The following NXPE1 variants were observed in gnomAD, a reference collection of about 807,000 sequenced individuals.
The protein encoded by NXPE1 is neurexophilin and PC-esterase domain family member 1.
In NXPE1, 31 loss-of-function variants were observed where a neutral mutation model predicts 33.3. That is an observed-to-expected ratio of 0.93 (90% confidence interval 0.70 to 1.26). NXPE1 has a LOEUF of 1.26. Ranked by LOEUF, NXPE1 falls within the 50% of genes most tolerant of loss-of-function variation. NXPE1 has a pLI of 0.00. For missense variants in NXPE1, 661 were observed against 655.6 expected (o/e 1.01, Z -0.09); for synonymous variants, 229 against 231.4 (o/e 0.99, Z 0.09).
chr11:114,536,251 C>T (rs1947817545), intron 5 of NXPE1, among the ~76,000 whole-genome samples: 1 of 152,140 alleles, frequency 6.6e-6, no homozygotes, highest in Non-Finnish European at 1.5e-5. Context: ...AAAGACACAA[C>T]ATACCAGAAT....
chr11:114,548,897 AC>A (rs1366881574), intron 5 of NXPE1, among the ~76,000 whole-genome samples: 1 of 151,992 alleles, frequency 6.6e-6, no homozygotes, highest in African/African-American at 2.4e-5. Flanking sequence ...AAAAAAATAG[AC>A]AAGCCACTAG....
chr11:114,542,154 T>C (rs927011874), intron 5 of NXPE1, among the ~76,000 whole-genome samples: 3 of 152,248 alleles, frequency 2.0e-5, no homozygotes, highest in Non-Finnish European at 4.4e-5. Context: ...TCTCACTTTA[T>C]CCTTATTTAT....
chr11:114,526,988 CAT>C (rs1386426867), intron 7 of NXPE1: 1 of 152,224 alleles, frequency 6.6e-6, no homozygotes, highest in East Asian at 1.9e-4. Context: ...CCAACTTTAA[CAT>C]AAGCTCTTTT....
chr11:114,523,117 A>T (rs773302186), intron 7 of NXPE1, 26 bp from the exon 8 acceptor site: 1 of 1,550,612 alleles, frequency 6.4e-7, no homozygotes, highest in African/African-American at 1.4e-5. Context: ...CTCGTAAATG[A>T]TTTTATTGGC....
At chr11:114,521,204 G>T (rs1565292989), downstream of NXPE1, among the ~76,000 whole-genome samples, 5 of 152,038 alleles carry the variant, frequency 3.3e-5, no homozygotes, top group African/African-American at 1.2e-4. Flanking sequence ...TTTCCCTTTT[G>T]TTGCCAATTT....
At chr11:114,559,839 C>T in exon 1 of NXPE1, 1 of 152,428 alleles carries the variant, frequency 6.6e-6, no homozygotes, top group Non-Finnish European at 1.5e-5. Context: ...TGGAAAAGTA[C>T]CTGTGAGTTC....
intron 1 of NXPE1, among the ~76,000 whole-genome samples, chr11:114,555,700 C>T (rs1227191842): frequency 6.6e-6 from 1 of 152,124 alleles, no homozygotes; most frequent in Non-Finnish European, 1.5e-5. Context: ...GTTTCTGGCC[C>T]CGGATAATCA....
intron 7 of NXPE1, 71 bp downstream of exon 7, chr11:114,527,769 A>G: frequency 9.8e-7 from 1 of 1,016,648 alleles, no homozygotes; most frequent in Non-Finnish European, 1.4e-6. Flanking sequence ...CAGGAGAACT[A>G]CAATTATTTA....
chr11:114,545,669 T>C (rs1948252437), intron 5 of NXPE1, among the ~76,000 whole-genome samples: 1 of 151,918 alleles, frequency 6.6e-6, no homozygotes. Flanking sequence ...GCTCATTGAA[T>C]CTTATAACAC....
chr11:114,531,101 T>A (rs181556848), intron 5 of NXPE1, among the ~76,000 whole-genome samples, 193 bp from the exon 6 acceptor site: 1 of 151,748 alleles, frequency 6.6e-6, no homozygotes, highest in East Asian at 1.9e-4. Flanking sequence ...GATATTATGA[T>A]GATGATATAA....
At chr11:114,529,172 A>G (rs1418353498) in intron 6 of NXPE1, 1 of 201,068 alleles carries the variant, frequency 5.0e-6, no homozygotes, top group Non-Finnish European at 9.9e-6. Context: ...CTACTCTGTC[A>G]CCAAGCTGAG....
chr11:114,551,504 C>A, intron 3 of NXPE1, 63 bp from the exon 4 acceptor site: 1 of 724,914 alleles, frequency 1.4e-6, no homozygotes, highest in African/African-American at 1.9e-5. Context: ...TTCTTAGTTA[C>A]AAGACATAAC....
At position 114,555,688 on chromosome 11, in the gene NXPE1, G is replaced by A. The variant is rs145072504; in HGVS notation, c.-210-2808C>T. Among the ~76,000 whole-genome samples, 832 of 152,240 alleles carry A rather than the reference G, an allele frequency of 5.5e-3. 6 individuals carry two copies. Among genetic ancestry groups the A allele is most frequent in the African/African-American group, 0.019 (798 of 41,542 alleles). ...GCATGCCCCGCTGCCCATGCCTAAC[G>A]TGTTTCTGGCCCCGGATAATCACAG... is the stretch of plus-strand genomic sequence containing the variant. On this transcript the variant is annotated intron_variant, in intron 1 of 8. Coordinates refer to ENST00000534921, the Ensembl canonical transcript of NXPE1.
At chr11:114,551,422 T>C in exon 4 of NXPE1, 1 of 1,313,684 alleles carries the variant, frequency 7.6e-7, no homozygotes, top group South Asian at 2.2e-5. Context: ...TCAGGATTGT[T>C]GCTTCCTCCT....
intron 5 of NXPE1, among the ~76,000 whole-genome samples, chr11:114,535,818 G>C (rs4293154): frequency 0.24 from 36,456 of 151,872 alleles, 6,394 homozygotes; most frequent in African/African-American, 0.49. Flanking sequence ...CTTAGACTCC[G>C]ACACAATAAT....
intron 5 of NXPE1, among the ~76,000 whole-genome samples, chr11:114,546,324 T>C (rs1186156041): frequency 1.3e-5 from 2 of 152,168 alleles, no homozygotes; most frequent in African/African-American, 4.8e-5. Context: ...TGAAGGCTAG[T>C]GTGTGAACCA....
intron 5 of NXPE1, among the ~76,000 whole-genome samples, chr11:114,545,774 C>T (rs563231935): frequency 5.3e-5 from 8 of 151,784 alleles, no homozygotes; most frequent in South Asian, 2.1e-4. Context: ...CTGTAACCTC[C>T]GCCTTCCAGG....
Position 114,522,867 on chromosome 11 carries a change from GT to G in NXPE1, c.1108+11del, listed in dbSNP as rs773529648. ...GCCTGAATTTCTAAGAGAATATAAA[GT>G]AACTACCTACTTTTTACAACTTTGG... is the stretch of plus-strand genomic sequence containing the variant. On this transcript the variant is annotated intron_variant, in intron 8 of 8. Coordinates refer to ENST00000534921, the Ensembl canonical transcript of NXPE1. 1 of 1,579,098 alleles carries G rather than the reference GT, an allele frequency of 6.3e-7. No individual in the cohort carries two copies. The highest frequency in any genetic ancestry group is 2.2e-5 in the East Asian group (1 of 44,604).
Position 114,551,240 on chromosome 11 carries a change from G to A in NXPE1, c.-10-29C>T, listed in dbSNP as rs75409523. 246 of 1,406,354 alleles carry A rather than the reference G, an allele frequency of 1.7e-4. No homozygotes were observed. In the African/African-American group the frequency reaches 3.0e-3, roughly 17 times the overall value. 87.1% of individuals were successfully genotyped at this position (1,406,354 alleles called of 1,614,324 possible). On this transcript the variant is annotated intron_variant, in intron 4 of 8. Transcript: ENST00000534921. Reference sequence around the variant, plus strand: ...GGAGAGATGACACAAGAGAGGAGTCGTGAGAAGTGAATCTCTCTGTACTCA... The same window carrying A: ...GGAGAGATGACACAAGAGAGGAGTCATGAGAAGTGAATCTCTCTGTACTCA...
Sources: allele counts gnomAD v4.1 joint callset (sites outside exome capture counted in the v4.1 genomes callset), GRCh38; gene constraint gnomAD v4.1.1; transcripts MANE v1.5; gene names NCBI Gene and HGNC (gene_info 2026-07-23, HGNC 2026-07-21).